Variants in NOS1AP observed in about 807,000 individuals in gnomAD.
The protein encoded by NOS1AP is carboxyl-terminal PDZ ligand of neuronal nitric oxide synthase protein.
In NOS1AP, 21 loss-of-function variants were observed where a neutral mutation model predicts 56.2. The observed-to-expected ratio is 0.37, with a 90% CI of 0.26 to 0.54. The LOEUF (loss-of-function observed/expected upper bound fraction) is 0.54, where lower values mean the gene tolerates loss of function less well. Ranked by LOEUF, NOS1AP falls within the 20% of genes least tolerant of loss-of-function variation. The pLI, the probability that NOS1AP is intolerant of heterozygous loss-of-function variation, is 0.84. For missense variants in NOS1AP, 522 were observed against 657.8 expected (o/e 0.79, Z 2.26); for synonymous variants, 270 against 274.6 (o/e 0.98, Z 0.17).
chr1:162,079,006 A>G (rs936362631), intron 1 of NOS1AP, among the ~76,000 whole-genome samples: 1 of 152,152 alleles, frequency 6.6e-6, no homozygotes, highest in Non-Finnish European at 1.5e-5. Flanking sequence ...ATGTATTTTG[A>G]ATGAAAGAGA....
intron 2 of NOS1AP, among the ~76,000 whole-genome samples, chr1:162,161,030 G>A (rs558203262): frequency 1.4e-4 from 21 of 152,032 alleles, no homozygotes; most frequent in Admixed American, 2.6e-4. Flanking sequence ...TGGCAATTTC[G>A]TCCCTGAATT....
chr1:162,113,866 T>A (rs1478280218), intron 1 of NOS1AP, among the ~76,000 whole-genome samples: 1 of 152,016 alleles, frequency 6.6e-6, no homozygotes, highest in Non-Finnish European at 1.5e-5. Flanking sequence ...GCAGCCACAG[T>A]AGAGCACTTG....
intron 2 of NOS1AP, among the ~76,000 whole-genome samples, chr1:162,232,582 C>T (rs1034298352): frequency 4.0e-5 from 6 of 151,488 alleles, no homozygotes; most frequent in Admixed American, 6.6e-5. Flanking sequence ...GTTGCAGATG[C>T]GGTCTGCTGA....
At chr1:162,299,678 G>A (rs1655578306) in intron 3 of NOS1AP, among the ~76,000 whole-genome samples, 1 of 152,130 alleles carries the variant, frequency 6.6e-6, no homozygotes, top group Admixed American at 6.6e-5. Context: ...TTTGATATTG[G>A]ATGTTTTTAA....
chr1:162,192,223 G>A (rs1288785224), intron 2 of NOS1AP, among the ~76,000 whole-genome samples: 1 of 152,194 alleles, frequency 6.6e-6, no homozygotes, highest in Non-Finnish European at 1.5e-5. Context: ...TCTGATGTGT[G>A]CTCAAGCTTG....
intron 2 of NOS1AP, among the ~76,000 whole-genome samples, chr1:162,169,955 C>T (rs778851104): frequency 6.6e-6 from 1 of 152,154 alleles, no homozygotes; most frequent in African/African-American, 2.4e-5. Flanking sequence ...CCCTTTCCTG[C>T]CTGTATGGTC....
At chr1:162,268,948 G>A (rs116800975) in intron 2 of NOS1AP, among the ~76,000 whole-genome samples, 4,573 of 152,174 alleles carry the variant, frequency 0.03, 116 homozygotes, top group Admixed American at 0.051. Context: ...ACTGGCCTAA[G>A]AACCAATACA....
At chr1:162,146,496 G>A (rs747789013) in intron 1 of NOS1AP, among the ~76,000 whole-genome samples, 8 of 151,882 alleles carry the variant, frequency 5.3e-5, no homozygotes, top group Non-Finnish European at 1.0e-4. Context: ...GGCTGTCCCC[G>A]TCTCTGGTAT....
chr1:162,367,169 T>C lies in NOS1AP; in HGVS notation c.1223T>C (p.Leu408Ser). The change falls in exon 10 of 10, where the codon TTG (leucine) becomes TCG (serine). Residue 408 changes from leucine (L) to serine (S), a missense_variant. Leu to Ser is a moderately radical substitution (Grantham distance 145). Around this residue, in one of 4 missense-constraint regions of NOS1AP, gnomAD observed 160 missense variants for 180.3 expected, o/e 0.89. Transcript: ENST00000361897. This position sits in a 1 kb window ranked among gnomAD's most constrained non-coding sequence, Gnocchi z 6.5. ...DLHSPPLGAG[L>S]ADFAHPAGSP... ...CATTCGCCGCCGCTGGGCGCGGGCT[T>C]GGCTGACTTTGCCCACCCTGCGGGC... 6.2e-7 allele frequency: 1 copy of C among 1,613,886 alleles called. No homozygotes were observed. Among genetic ancestry groups the C allele is most frequent in the Non-Finnish European group, 8.5e-7 (1 of 1,179,954 alleles).
intron 5 of NOS1AP, among the ~76,000 whole-genome samples, chr1:162,337,018 T>C (rs1656963396): frequency 6.6e-6 from 1 of 152,198 alleles, no homozygotes; most frequent in Non-Finnish European, 1.5e-5. Flanking sequence ...GATATAATGA[T>C]AGTATTCATT....
chr1:162,352,348 C>T (rs7525376), intron 6 of NOS1AP, among the ~76,000 whole-genome samples: 4,321 of 152,130 alleles, frequency 0.028, 206 homozygotes, highest in African/African-American at 0.098. Context: ...CGTGAGCCAC[C>T]GCGCCTGGCC....
At chr1:162,173,724 A>T (rs1650918697) in intron 2 of NOS1AP, among the ~76,000 whole-genome samples, 1 of 152,224 alleles carries the variant, frequency 6.6e-6, no homozygotes, top group South Asian at 2.1e-4. Flanking sequence ...ACAAGAAAAA[A>T]ACAAACAACC....
intron 1 of NOS1AP, among the ~76,000 whole-genome samples, chr1:162,106,065 C>G (rs1224477583): frequency 6.6e-6 from 1 of 152,196 alleles, no homozygotes; most frequent in Non-Finnish European, 1.5e-5. Context: ...AGTGGCTGCT[C>G]TGCTGAGATT....
At chr1:162,171,304 G>A (rs1389297926) in intron 2 of NOS1AP, among the ~76,000 whole-genome samples, 1 of 152,158 alleles carries the variant, frequency 6.6e-6, no homozygotes, top group Non-Finnish European at 1.5e-5. Flanking sequence ...TAGAATTCAG[G>A]TCGTTTGTTC....
At chr1:162,288,791 A>C (rs1655167917) in intron 3 of NOS1AP, among the ~76,000 whole-genome samples, 1 of 152,244 alleles carries the variant, frequency 6.6e-6, no homozygotes, top group Admixed American at 6.5e-5. Context: ...CTTCTTCAAA[A>C]TTCACAAGTA....
At chr1:162,310,207 T>TA (rs994525211) in intron 4 of NOS1AP, among the ~76,000 whole-genome samples, 19 of 152,040 alleles carry the variant, frequency 1.2e-4, no homozygotes, top group Non-Finnish European at 2.2e-4. Context: ...CAAAGGGTCA[T>TA]AAAAAAAATC....
At chr1:162,202,548 T>C (rs1211656293) in intron 2 of NOS1AP, among the ~76,000 whole-genome samples, 1 of 152,186 alleles carries the variant, frequency 6.6e-6, no homozygotes, top group African/African-American at 2.4e-5. Flanking sequence ...TGTGATTTTG[T>C]CTAATCATTT....
chr1:162,323,526 C>T (rs1233743835), intron 4 of NOS1AP, among the ~76,000 whole-genome samples: 1 of 152,182 alleles, frequency 6.6e-6, no homozygotes, highest in Non-Finnish European at 1.5e-5. Flanking sequence ...TAACTGTATC[C>T]ACTTCATACA....
Position 162,126,953 on chromosome 1 carries a change from C to G in NOS1AP, c.106-27452C>G, listed in dbSNP as rs569939494. On this transcript the variant is annotated intron_variant, in intron 1 of 9. Coordinates refer to ENST00000361897, the MANE Select transcript of NOS1AP (RefSeq NM_014697.3). ...TACCATGGCCAACAGAATGTATTGTCAAACTTGGATTTTTACTTATCTGAT... is the reference window on the plus strand; with the variant it reads ...TACCATGGCCAACAGAATGTATTGTGAAACTTGGATTTTTACTTATCTGAT... Among the ~76,000 whole-genome samples, 5 of 152,242 alleles carry G rather than the reference C, an allele frequency of 3.3e-5. No individual in the cohort carries two copies. The South Asian group carries it at 1.0e-3, about 32-fold the overall frequency.
Sources: allele counts gnomAD v4.1 joint callset (sites outside exome capture counted in the v4.1 genomes callset), GRCh38; gene constraint gnomAD v4.1.1; regional missense constraint gnomAD v4.1.1; non-coding constraint Gnocchi (gnomAD v3.1); transcripts MANE v1.5; gene names NCBI Gene and HGNC (gene_info 2026-07-23, HGNC 2026-07-21).